The following RCN1 variants were observed in gnomAD, a reference collection of about 807,000 sequenced individuals.
The protein encoded by RCN1 is reticulocalbin 1, also known as reticulocalbin-1.
RCN1 carries 14 observed loss-of-function variants against 34.7 expected under a neutral mutation model. The ratio of observed to expected loss-of-function variants is 0.40; its 90% CI spans 0.27 to 0.63. The LOEUF is 0.63. Among genes scored for constraint, RCN1 ranks in the 30% least tolerant of loss-of-function variants. The pLI is 0.37. For synonymous variants in RCN1, 125 were observed against 165.5 expected (o/e 0.76, Z 1.88); for missense variants, 326 against 425.1 (o/e 0.77, Z 2.05).
chr11:32,091,575 G>A (rs1851922374), intron 1 of RCN1, 125 bp downstream of exon 1: 6 of 1,271,478 alleles, frequency 4.7e-6, no homozygotes, highest in East Asian at 2.9e-5. Context: ...CGAGGATGGG[G>A]CCCTGCCCAA....
In RCN1 at chr11:32,097,421, ACTCC is replaced by A. The variant is rs1463340710; in HGVS notation, c.448+87_448+90del. The A allele has an allele frequency of 5.0e-6, 5 of 999,382 alleles. No individual in the cohort carries two copies. The South Asian group carries it at 8.8e-5, about 18-fold the overall frequency. The allele number at this position is 999,382 out of a possible 1,614,324, so 61.9% of individuals were successfully genotyped here. On this transcript the variant is annotated intron_variant, in intron 2 of 5. Transcript: ENST00000054950. Reference sequence around the variant, plus strand: ...GACTCTCTCTTCTCTTATCATATCCACTCCCTTCAGGGAGATGTCACAGCCTCCT... The same window carrying A: ...GACTCTCTCTTCTCTTATCATATCCACTTCAGGGAGATGTCACAGCCTCCT...
chr11:32,098,249 C>T, intron 2 of RCN1, 101 bp from the exon 3 acceptor site: 2 of 1,055,982 alleles, frequency 1.9e-6, no homozygotes, highest in Non-Finnish European at 2.7e-6. Flanking sequence ...ACCTTTTTTC[C>T]CTATATGTAC....
At position 32,105,665 on chromosome 11, in the gene RCN1, T is replaced by C. The variant is rs1228969805; in HGVS notation, c.*1193T>C. 2 of 152,200 alleles carry C rather than the reference T, an allele frequency of 1.3e-5. No homozygotes were observed. Among genetic ancestry groups the C allele is most frequent in the Non-Finnish European group, 2.9e-5 (2 of 68,038 alleles). 9.4% of individuals were successfully genotyped at this position (152,200 alleles called of 1,614,324 possible). A position where few individuals can be genotyped will look rare whatever the true frequency, so the allele number is the denominator to read the frequency against. ...CTGGGGTTTTTTTTCATCCAATTAC[T>C]AGAATGTTCAGAATAGACTCATATT... On this transcript the variant is annotated 3_prime_UTR_variant, in exon 6 of 6. Transcript: ENST00000054950.
chr11:32,104,920 G>A lies in RCN1; in HGVS notation c.*448G>A, dbSNP rs543832480. On this transcript the variant is annotated 3_prime_UTR_variant, in exon 6 of 6. Transcript: ENST00000054950. ...GGGAAATTCTGATTAAGCGAAAGTG[G>A]TATCATCCTAGGTAAGCTTATTTCA... 5 of 175,970 alleles carry A rather than the reference G, an allele frequency of 2.8e-5. No homozygotes were observed. The East Asian group carries it at 9.2e-4, about 32-fold the overall frequency. 10.9% of individuals were successfully genotyped at this position (175,970 alleles called of 1,614,324 possible).
intron 1 of RCN1, among the ~76,000 whole-genome samples, chr11:32,096,211 G>A (rs1363610508): frequency 6.6e-6 from 1 of 152,210 alleles, no homozygotes; most frequent in Non-Finnish European, 1.5e-5. Flanking sequence ...CAGATAAATG[G>A]ACTACAAGGG....
intron 4 of RCN1, 75 bp downstream of exon 4, chr11:32,100,683 T>G (rs1390701464): frequency 8.6e-7 from 1 of 1,166,882 alleles, no homozygotes; most frequent in East Asian, 2.3e-5. Flanking sequence ...CTGGCTACTT[T>G]CCCCAGACGT....
intron 3 of RCN1, among the ~76,000 whole-genome samples, chr11:32,099,337 A>G (rs561834167): frequency 1.3e-5 from 2 of 151,940 alleles, no homozygotes; most frequent in Non-Finnish European, 2.9e-5. Context: ...AAAAAAAAGA[A>G]AGAGCAAATG....
At chr11:32,097,743 C>G (rs920016572) in intron 2 of RCN1, among the ~76,000 whole-genome samples, 1 of 152,024 alleles carries the variant, frequency 6.6e-6, no homozygotes, top group South Asian at 2.1e-4. Context: ...GAAACTGGAG[C>G]CTTGGAGAAT....
In RCN1 at chr11:32,100,631, G is replaced by A. The variant is rs762584275; in HGVS notation, c.688+23G>A. ...TTGGTGAGTACTGACCTAGAGTCTT[G>A]CTCAGCTGTCCTGACTGGGCCACAT... On this transcript the variant is annotated intron_variant, in intron 4 of 5. Coordinates refer to ENST00000054950, the MANE Select transcript of RCN1 (RefSeq NM_002901.4). 10 of 1,605,050 alleles carry A rather than the reference G, an allele frequency of 6.2e-6. No individual in the cohort carries two copies. The East Asian group carries it at 2.2e-4, about 36-fold the overall frequency.
In RCN1 at chr11:32,098,460, A is replaced by C. The variant is rs1439714989; in HGVS notation, c.559A>C (p.Thr187Pro). ...AADLNGDLTA[T>P]REEFTAFLHP... ...AGACCTCAATGGTGACCTGACAGCTACTCGGGAGGAGTTCACTGCCTTTCT... is the reference window on the plus strand; with the variant it reads ...AGACCTCAATGGTGACCTGACAGCTCCTCGGGAGGAGTTCACTGCCTTTCT... The change falls in exon 3 of 6, where the codon ACT (threonine) becomes CCT (proline). Residue 187 changes from threonine (T) to proline (P), a missense_variant. Transcript: ENST00000054950. 2 of 1,614,022 alleles carry C rather than the reference A, an allele frequency of 1.2e-6. No individual in the cohort carries two copies. Among genetic ancestry groups the C allele is most frequent in the Non-Finnish European group, 1.7e-6 (2 of 1,180,020 alleles).
At chr11:32,093,368 G>A (rs1565349573) in intron 1 of RCN1, among the ~76,000 whole-genome samples, 2 of 152,176 alleles carry the variant, frequency 1.3e-5, no homozygotes, top group South Asian at 2.1e-4. Context: ...TCTGGGCGTC[G>A]AAGTGCTTGT....
intron 1 of RCN1, among the ~76,000 whole-genome samples, chr11:32,096,287 C>A (rs1851972259): frequency 6.6e-6 from 1 of 152,150 alleles, no homozygotes; most frequent in African/African-American, 2.4e-5. Flanking sequence ...GGGATGCTGT[C>A]CTGGTTTGGG....
intron 1 of RCN1, among the ~76,000 whole-genome samples, chr11:32,096,123 A>G (rs1033138573): frequency 1.3e-5 from 2 of 152,246 alleles, no homozygotes; most frequent in Non-Finnish European, 1.5e-5. Flanking sequence ...TTGACAAGAA[A>G]GTTTTACCAC....
intron 1 of RCN1, among the ~76,000 whole-genome samples, chr11:32,093,508 G>A (rs945613189): frequency 2.6e-5 from 4 of 152,148 alleles, no homozygotes; most frequent in African/African-American, 7.2e-5. Flanking sequence ...TAGAGAGAGG[G>A]GATTGGGGCT....
At position 32,098,433 on chromosome 11, in the gene RCN1, G is replaced by T. The variant is rs1198163214; in HGVS notation, c.532G>T (p.Ala178Ser). 3 of 1,613,990 alleles carry T rather than the reference G, an allele frequency of 1.9e-6. No individual in the cohort carries two copies. The highest frequency in any genetic ancestry group is 2.5e-6 in the Non-Finnish European group (3 of 1,179,984). ...ACGTGATGAGAGAAGATTCAAAGCT[G>T]CAGACCTCAATGGTGACCTGACAGC... is the stretch of plus-strand genomic sequence containing the variant. ...LPRDERRFKAADLNGDLTATR... is the reference protein window; with the variant it reads ...LPRDERRFKASDLNGDLTATR... Residue 178 changes from alanine to serine, a missense_variant, in exon 3 of 6, where the codon GCA becomes TCA. Coordinates refer to ENST00000054950, the MANE Select transcript of RCN1 (RefSeq NM_002901.4).
intron 1 of RCN1, 24 bp from the exon 2 acceptor site, chr11:32,097,120 T>TC: frequency 5.8e-6 from 1 of 171,164 alleles, no homozygotes. Context: ...TGTGGGTTTC[T>TC]TTTTTTTTTT....
chr11:32,104,699 A>G lies in RCN1; in HGVS notation c.*227A>G, dbSNP rs919841869. 4.8e-5 allele frequency: 23 copies of G among 475,952 alleles called. No individual in the cohort carries two copies. The highest frequency in any genetic ancestry group is 7.1e-5 in the Non-Finnish European group (19 of 267,644). The allele number at this position is 475,952 out of a possible 1,614,324, so 29.5% of individuals were successfully genotyped here. A position where few individuals can be genotyped will look rare whatever the true frequency, so the allele number is the denominator to read the frequency against. On this transcript the variant is annotated 3_prime_UTR_variant, in exon 6 of 6. Coordinates refer to ENST00000054950, the MANE Select transcript of RCN1 (RefSeq NM_002901.4). ...CACGTGAAAACCTTGGTAAATTGCA[A>G]TTCTTTCTGGGGATATATTGGTACA...
chr11:32,097,134 T>TC lies in RCN1; in HGVS notation c.255-10_255-9insC, dbSNP rs771282884. 887 of 1,452,056 alleles carry TC rather than the reference T, an allele frequency of 6.1e-4. 1 individual carries two copies. The highest frequency in any genetic ancestry group is 1.6e-3 in the Admixed American group (54 of 34,670). The allele number at this position is 1,452,056 out of a possible 1,614,324, so 89.9% of individuals were successfully genotyped here. A position where few individuals can be genotyped will look rare whatever the true frequency, so the allele number is the denominator to read the frequency against. The stretch of plus-strand genomic sequence containing the variant: ...GTGTGGGTTTCTTTTTTTTTTTTTT[T>TC]GTACTGCAGGAAGATTGTTGATCGA... On this transcript the variant is annotated splice_polypyrimidine_tract_variant and intron_variant, in intron 1 of 5. Transcript: ENST00000054950.
In RCN1 at chr11:32,104,478, A is replaced by C. The variant is rs759187901; in HGVS notation, c.*6A>C. ...AAAATCATGATGAGCTTTGATAGAC[A>C]CTCACCAGAATATGGCAGACTGTCA... On this transcript the variant is annotated 3_prime_UTR_variant, in exon 6 of 6. Coordinates refer to ENST00000054950, the MANE Select transcript of RCN1 (RefSeq NM_002901.4). 201 of 1,332,758 alleles carry C rather than the reference A, an allele frequency of 1.5e-4. No homozygotes were observed. The highest frequency in any genetic ancestry group is 2.1e-4 in the Non-Finnish European group (193 of 926,568). 82.6% of individuals were successfully genotyped at this position (1,332,758 alleles called of 1,614,324 possible). A position where few individuals can be genotyped will look rare whatever the true frequency, so the allele number is the denominator to read the frequency against.
Sources: allele counts gnomAD v4.1 joint callset (sites outside exome capture counted in the v4.1 genomes callset), GRCh38; gene constraint gnomAD v4.1.1; transcripts MANE v1.5; gene names NCBI Gene and HGNC (gene_info 2026-07-23, HGNC 2026-07-21).